GPHN: variants seen among roughly 807,000 people sequenced by gnomAD.
GPHN encodes the protein gephyrin.
Under a neutral mutation model 95.5 loss-of-function variants are expected in GPHN, and 17 were observed. The observed-to-expected ratio is 0.18, with a 90% CI of 0.12 to 0.27. The LOEUF is 0.27. Ranked by LOEUF, GPHN falls within the 10% of genes least tolerant of loss-of-function variation. GPHN has a pLI of 1.00. For missense variants in GPHN, 660 were observed against 978.1 expected (o/e 0.67, Z 4.34); for synonymous variants, 320 against 322.5 (o/e 0.99, Z 0.08).
At chr14:67,368,354 T>A in the GPHN span, among the ~76,000 whole-genome samples, 1 of 152,198 alleles carries the variant, frequency 6.6e-6, no homozygotes, top group Non-Finnish European at 1.5e-5. Context: ...GATTGGCTGC[T>A]CTGCATAAGA....
intron 2 of GPHN, among the ~76,000 whole-genome samples, chr14:66,697,795 A>G (rs1204311649): frequency 1.3e-5 from 2 of 149,420 alleles, no homozygotes; most frequent in Non-Finnish European, 2.9e-5. Context: ...TCCAGTGATC[A>G]TCTCACTTCA....
At chr14:67,052,928 C>G (rs1032408622) in intron 10 of GPHN, among the ~76,000 whole-genome samples, 3 of 152,086 alleles carry the variant, frequency 2.0e-5, no homozygotes, top group African/African-American at 7.2e-5. Context: ...GCCAGAACCT[C>G]TGGGACGCAG....
intron 20 of GPHN, among the ~76,000 whole-genome samples, chr14:67,167,789 T>C (rs994137030): frequency 1.3e-5 from 2 of 152,190 alleles, no homozygotes; most frequent in African/African-American, 4.8e-5. Context: ...GTCCAAACCT[T>C]TCATTTCATA....
the GPHN span, chr14:67,383,173 A>C: frequency 1.2e-6 from 1 of 860,396 alleles, no homozygotes. Flanking sequence ...TTTATTGCTG[A>C]TAAGTCACTC....
At chr14:67,510,947 T>A in the GPHN span, among the ~76,000 whole-genome samples, 7 of 152,168 alleles carry the variant, frequency 4.6e-5, no homozygotes, top group Admixed American at 2.6e-4. Context: ...AGGAAGCACA[T>A]TTTATCTTGA....
At chr14:66,822,354 G>A (rs960049858) in intron 3 of GPHN, among the ~76,000 whole-genome samples, 3 of 152,208 alleles carry the variant, frequency 2.0e-5, no homozygotes, top group Non-Finnish European at 4.4e-5. Context: ...GTAGTTTTCA[G>A]TTGCTGGCTA....
intron 11 of GPHN, among the ~76,000 whole-genome samples, chr14:67,078,751 G>C (rs2076586223): frequency 6.6e-6 from 1 of 152,086 alleles, no homozygotes; most frequent in Non-Finnish European, 1.5e-5. Context: ...TACGGATATA[G>C]CAGCTTGCAG....
At chr14:67,558,959 G>A in the GPHN span, among the ~76,000 whole-genome samples, 2 of 152,264 alleles carry the variant, frequency 1.3e-5, no homozygotes, top group Non-Finnish European at 2.9e-5. Flanking sequence ...GTGGGGGCAA[G>A]CAGGTGGAGG....
At chr14:66,994,833 G>A (rs1178104075) in intron 9 of GPHN, among the ~76,000 whole-genome samples, 1 of 152,128 alleles carries the variant, frequency 6.6e-6, no homozygotes, top group Non-Finnish European at 1.5e-5. Context: ...GCAATAAGTG[G>A]CTATGATACT....
chr14:67,133,887 C>G (rs767351683), intron 17 of GPHN, among the ~76,000 whole-genome samples: 8 of 152,074 alleles, frequency 5.3e-5, no homozygotes, highest in Non-Finnish European at 1.2e-4. Context: ...AATGTCATGG[C>G]TTTAGGAAGA....
intron 18 of GPHN, 27 bp downstream of exon 18, chr14:67,143,476 G>A: frequency 3.1e-6 from 4 of 1,290,812 alleles, no homozygotes; most frequent in Non-Finnish European, 3.4e-6. Flanking sequence ...TCGTGAAAAT[G>A]TATCTGCTGT....
At chr14:67,158,045 G>A (rs990474618) in intron 18 of GPHN, among the ~76,000 whole-genome samples, 1 of 151,686 alleles carries the variant, frequency 6.6e-6, no homozygotes, top group Non-Finnish European at 1.5e-5. Flanking sequence ...AGTGGTTCAC[G>A]CCTGTAATCC....
chr14:67,722,903 G>A, the GPHN span, among the ~76,000 whole-genome samples: 1 of 152,222 alleles, frequency 6.6e-6, no homozygotes, highest in African/African-American at 2.4e-5. Context: ...GCCGGGCAGA[G>A]GTGGGGCTGA....
chr14:67,184,521 T>C (rs1050308998), downstream of GPHN, among the ~76,000 whole-genome samples: 3 of 152,152 alleles, frequency 2.0e-5, no homozygotes, highest in African/African-American at 7.2e-5. Flanking sequence ...GAAAGAATTT[T>C]ATGTCTGATT....
At chr14:67,353,087 A>G in the GPHN span, 5 of 1,450,628 alleles carry the variant, frequency 3.4e-6, no homozygotes, top group Non-Finnish European at 4.7e-6. Context: ...CATTGTTTAA[A>G]AGACAAAAAA....
At chr14:67,338,377 A>G in the GPHN span, 1 of 432,354 alleles carries the variant, frequency 2.3e-6, no homozygotes, top group African/African-American at 2.0e-5. Flanking sequence ...GGAGTATGAT[A>G]ACGCTTCTGC....
chr14:66,788,812 A>G (rs2059874732), intron 3 of GPHN, among the ~76,000 whole-genome samples: 1 of 152,034 alleles, frequency 6.6e-6, no homozygotes, highest in Admixed American at 6.6e-5. Flanking sequence ...GCCCGCCACC[A>G]GGCCTGGCTA....
chr14:67,599,983 C>A, the GPHN span: 6 of 1,505,532 alleles, frequency 4.0e-6, no homozygotes, highest in South Asian at 1.2e-5. Flanking sequence ...CAAAGCCGAA[C>A]CCCCTCCTTC....
At chr14:67,155,970 A>G (rs563536039) in intron 18 of GPHN, among the ~76,000 whole-genome samples, 1 of 152,342 alleles carries the variant, frequency 6.6e-6, no homozygotes, top group East Asian at 1.9e-4. Context: ...TGTAAAATGC[A>G]GGAAAAAAAT....
Sources: allele counts gnomAD v4.1 joint callset (sites outside exome capture counted in the v4.1 genomes callset), GRCh38; gene constraint gnomAD v4.1.1; transcripts MANE v1.5; gene names NCBI Gene and HGNC (gene_info 2026-07-23, HGNC 2026-07-21).